Variants in GFRA2 observed in about 807,000 individuals in gnomAD.
The protein encoded by GFRA2 is GDNF family receptor alpha-2.
In GFRA2, 17 loss-of-function variants were observed where a neutral mutation model predicts 48.3. The observed-to-expected ratio is 0.35, with a 90% CI of 0.24 to 0.53. The LOEUF (loss-of-function observed/expected upper bound fraction) is 0.53, where lower values mean the gene tolerates loss of function less well. Ranked by LOEUF, GFRA2 falls within the 20% of genes least tolerant of loss-of-function variation. The pLI, the probability that GFRA2 is intolerant of heterozygous loss-of-function variation, is 0.93. For missense variants in GFRA2, 660 were observed against 637.3 expected (o/e 1.04, Z -0.38); for synonymous variants, 305 against 257.2 (o/e 1.19, Z -1.78).
chr8:21,779,119 G>C (rs1806849635), intron 2 of GFRA2, among the ~76,000 whole-genome samples: 4 of 151,794 alleles, frequency 2.6e-5, no homozygotes, highest in South Asian at 4.2e-4. Context: ...AGAATCATTT[G>C]AGCCCAGGAG....
chr8:21,792,676 C>A (rs1395982821), upstream of GFRA2, among the ~76,000 whole-genome samples: 1 of 152,184 alleles, frequency 6.6e-6, no homozygotes, highest in African/African-American at 2.4e-5. Context: ...GGGTAGGATT[C>A]AAGCTGGAGC....
intron 4 of GFRA2, among the ~76,000 whole-genome samples, chr8:21,712,609 G>A (rs1203060208): frequency 6.7e-6 from 1 of 149,940 alleles, no homozygotes; most frequent in East Asian, 1.9e-4. Context: ...CGGGGTGGCG[G>A]CCGGGCAGAG....
intron 6 of GFRA2, among the ~76,000 whole-genome samples, chr8:21,704,381 C>T (rs1297511513): frequency 6.6e-6 from 1 of 152,238 alleles, no homozygotes; most frequent in Non-Finnish European, 1.5e-5. Flanking sequence ...TCTCAGTCTA[C>T]CTCCGTCAGG....
rs1370472596 is a variant in GFRA2, at chr8:21,691,004, A to G, written c.*2274T>C. The G allele has an allele frequency of 1.3e-5, 2 of 152,180 alleles. No individual in the cohort carries two copies. Among genetic ancestry groups the G allele is most frequent in the African/African-American group, 4.8e-5 (2 of 41,432 alleles). 9.4% of individuals were successfully genotyped at this position (152,180 alleles called of 1,614,324 possible). On this transcript the variant is annotated 3_prime_UTR_variant, in exon 9 of 9. Transcript: ENST00000524240. ...CTGGCTGGCTCACTGTACCCCTTCC[A>G]TGCAGAGGCTGGAAGGCAATACACC...
intron 4 of GFRA2, among the ~76,000 whole-genome samples, chr8:21,716,037 A>G (rs532871797): frequency 1.3e-5 from 2 of 152,286 alleles, no homozygotes; most frequent in East Asian, 3.9e-4. Context: ...GAACAGAAAC[A>G]TTCGGCCAGG....
intron 1 of GFRA2, chr8:21,784,279 C>T (rs1807158623): frequency 4.4e-6 from 2 of 456,116 alleles, no homozygotes; most frequent in Admixed American, 4.7e-5. Context: ...AAGCCCCTAA[C>T]TCGAGATCCT....
intron 3 of GFRA2, among the ~76,000 whole-genome samples, chr8:21,765,730 G>A (rs1806120586): frequency 6.6e-6 from 1 of 151,932 alleles, no homozygotes; most frequent in Non-Finnish European, 1.5e-5. Context: ...CCCTAAAATG[G>A]CCAATACAGA....
intron 1 of GFRA2, among the ~76,000 whole-genome samples, chr8:21,786,260 G>T (rs1486626243): frequency 6.6e-6 from 1 of 152,172 alleles, no homozygotes; most frequent in Non-Finnish European, 1.5e-5. Context: ...GAGAAAGGTG[G>T]ACTCCTTAGC....
At chr8:21,716,308 G>A (rs200492953) in intron 4 of GFRA2, among the ~76,000 whole-genome samples, 94 of 144,084 alleles carry the variant, frequency 6.5e-4, no homozygotes, top group South Asian at 8.9e-4. Flanking sequence ...GGGAAACAAA[G>A]AAAAAAAAAA....
At chr8:21,783,070 A>G (rs2117074247) in intron 1 of GFRA2, 171 bp from the exon 2 acceptor site, 2 of 719,564 alleles carry the variant, frequency 2.8e-6, no homozygotes, top group Non-Finnish European at 5.0e-6. Context: ...GAACTCAGGC[A>G]TCATCCTCCC....
chr8:21,750,088 T>TACACACACACACACACAC lies in GFRA2; in HGVS notation c.794+482_794+499dup, dbSNP rs531507245. 6.8e-6 allele frequency among the ~76,000 whole-genome samples: 1 copy of TACACACACACACACACAC among 147,562 alleles called. No individual in the cohort carries two copies. Among genetic ancestry groups the TACACACACACACACACAC allele is most frequent in the Non-Finnish European group, 1.5e-5 (1 of 66,492 alleles). On this transcript the variant is annotated intron_variant, in intron 4 of 8. Transcript: ENST00000524240. The surrounding 1 kb of genome is among the most constrained non-coding windows in gnomAD (Gnocchi z 5.7). The stretch of plus-strand genomic sequence containing the variant: ...GTGTATATATGTGTGTGTGTGTGTA[T>TACACACACACACACACAC]ACACACACACACACACACACACGCA...
chr8:21,739,611 C>T (rs2117541706), intron 4 of GFRA2, among the ~76,000 whole-genome samples: 1 of 152,288 alleles, frequency 6.6e-6, no homozygotes, highest in East Asian at 1.9e-4. Flanking sequence ...ATCCAGGACA[C>T]CCAGGCGCCA....
intron 7 of GFRA2, among the ~76,000 whole-genome samples, chr8:21,699,725 C>G (rs1400554467): frequency 3.3e-5 from 5 of 152,196 alleles, no homozygotes; most frequent in Admixed American, 3.3e-4. Flanking sequence ...ACAGAGGGCA[C>G]CTAGGAGAAG....
intron 4 of GFRA2, among the ~76,000 whole-genome samples, chr8:21,738,012 C>T (rs1359564347): frequency 6.6e-6 from 1 of 152,154 alleles, no homozygotes; most frequent in Non-Finnish European, 1.5e-5. Flanking sequence ...GCCCCTGCCT[C>T]TCTCCCAAAC....
chr8:21,802,701 G>C (rs1807792394), intron 2 of GFRA2, among the ~76,000 whole-genome samples: 3 of 152,268 alleles, frequency 2.0e-5, no homozygotes, highest in East Asian at 1.9e-4. Flanking sequence ...GCCTAGTAGG[G>C]GGAGGCAGAT....
chr8:21,741,039 A>G (rs1804721218), intron 4 of GFRA2, among the ~76,000 whole-genome samples: 1 of 152,208 alleles, frequency 6.6e-6, no homozygotes, highest in Non-Finnish European at 1.5e-5. Flanking sequence ...GCCTCTCTGC[A>G]GTCGTTCTCG....
At position 21,750,911 on chromosome 8, in the gene GFRA2, C is replaced by T. The variant is rs1209061940; in HGVS notation, c.471G>A (p.Lys157=). 2 of 1,613,040 alleles carry T rather than the reference C, an allele frequency of 1.2e-6. No individual in the cohort carries two copies. Among genetic ancestry groups the T allele is most frequent in the Non-Finnish European group, 1.7e-6 (2 of 1,179,608 alleles). The stretch of plus-strand genomic sequence containing the variant: ...TGGCAGCATCCAGGCAATGGTTGCT[C>T]TTGGCGCTGACCACCGGGTCTGCCC... The part of the protein sequence containing the change: ...GTGADPVVSA[K]SNHCLDAAKA... Residue 157 remains lysine (K), a synonymous_variant, in exon 4 of 9, where the codon AAG becomes AAA. Coordinates refer to ENST00000524240, the MANE Select transcript of GFRA2 (RefSeq NM_001495.5). This position sits in a 1 kb window ranked among gnomAD's most constrained non-coding sequence, Gnocchi z 5.7.
At chr8:21,788,079 T>C in intron 1 of GFRA2, 41 bp downstream of exon 1, 10 of 502,044 alleles carry the variant, frequency 2.0e-5, no homozygotes, top group South Asian at 3.0e-5. Flanking sequence ...CCTCCCCGGC[T>C]TCTCGCCTCC....
In GFRA2 at chr8:21,722,565, G is replaced by A. The variant is rs140808140; in HGVS notation, c.795-16524C>T. On this transcript the variant is annotated intron_variant, in intron 4 of 8. Coordinates refer to ENST00000524240, the MANE Select transcript of GFRA2 (RefSeq NM_001495.5). ...AGGTGCACAGAATACAGCATCCAGG[G>A]AGGAGAGAACATGGGCCCTTGGTCT... is the stretch of plus-strand genomic sequence containing the variant. Among the ~76,000 whole-genome samples, 301 of 152,288 alleles carry A rather than the reference G, an allele frequency of 2.0e-3. 1 individual carries two copies. Among genetic ancestry groups the A allele is most frequent in the Admixed American group, 3.4e-3 (52 of 15,298 alleles).
Sources: gnomAD v4.1 joint callset for allele counts (sites outside exome capture counted in the v4.1 genomes callset) on GRCh38, gnomAD v4.1.1 for gene constraint, Gnocchi (gnomAD v3.1) non-coding constraint, MANE v1.5 for transcripts, NCBI Gene and HGNC (gene_info 2026-07-23, HGNC 2026-07-21) for gene names.